The following RBFOX1 variants were observed in gnomAD, a reference collection of about 807,000 sequenced individuals.
The protein encoded by RBFOX1 is RNA binding fox-1 homolog 1.
Under a neutral mutation model 57.7 loss-of-function variants are expected in RBFOX1, and 8 were observed. The ratio of observed to expected loss-of-function variants is 0.14; its 90% CI spans 0.08 to 0.25. The LOEUF is 0.25. Ranked by LOEUF, RBFOX1 falls within the 10% of genes least tolerant of loss-of-function variation. The pLI, the probability that RBFOX1 is intolerant of heterozygous loss-of-function variation, is 1.00. For synonymous variants in RBFOX1, 326 were observed against 222.4 expected (o/e 1.47, Z -4.15); for missense variants, 611 against 548.5 (o/e 1.11, Z -1.14).
chr16:6,322,072 G>A (rs2081871667), intron 2 of RBFOX1, among the ~76,000 whole-genome samples: 1 of 152,138 alleles, frequency 6.6e-6, no homozygotes, highest in Non-Finnish European at 1.5e-5. Flanking sequence ...CATTGTCTTT[G>A]TTTTTCATCC....
chr16:6,983,132 C>G (rs141561635), intron 3 of RBFOX1, among the ~76,000 whole-genome samples: 1 of 151,842 alleles, frequency 6.6e-6, no homozygotes, highest in Non-Finnish European at 1.5e-5. Flanking sequence ...AAACTCTTAG[C>G]TGTTCCATTG....
intron 1 of RBFOX1, among the ~76,000 whole-genome samples, chr16:6,036,724 A>G (rs1377953575): frequency 6.6e-6 from 1 of 152,186 alleles, no homozygotes; most frequent in Non-Finnish European, 1.5e-5. Context: ...TGAGAAAGGA[A>G]TTTTTAACTT....
At chr16:5,703,493 A>G (rs550103654) in intron 3 of RBFOX1, among the ~76,000 whole-genome samples, 112 of 152,310 alleles carry the variant, frequency 7.4e-4, no homozygotes, top group African/African-American at 2.5e-3. Context: ...AATATCACAG[A>G]GCATCCTCGT....
chr16:5,525,588 C>G (rs924139055), intron 2 of RBFOX1, among the ~76,000 whole-genome samples: 1 of 149,714 alleles, frequency 6.7e-6, no homozygotes, highest in Non-Finnish European at 1.5e-5. Flanking sequence ...TTCTCCACCT[C>G]TCAGGTGAAA....
chr16:7,661,795 C>G (rs1446850576), intron 12 of RBFOX1, among the ~76,000 whole-genome samples: 1 of 152,164 alleles, frequency 6.6e-6, no homozygotes, highest in Non-Finnish European at 1.5e-5. Context: ...GAAAGCTACA[C>G]TAGTTCTTCT....
chr16:6,344,446 G>A (rs1482526400), intron 2 of RBFOX1, among the ~76,000 whole-genome samples: 2 of 120,638 alleles, frequency 1.7e-5, no homozygotes, highest in Admixed American at 2.0e-4. Flanking sequence ...CGCCCAGGCT[G>A]GAGTGCAGTG....
At position 7,709,100 on chromosome 16, in the gene RBFOX1, C is replaced by A; in HGVS notation, c.1040C>A (p.Ala347Asp). 6.2e-7 allele frequency: 1 copy of A among 1,613,528 alleles called. No homozygotes were observed. Among genetic ancestry groups the A allele is most frequent in the South Asian group, 1.1e-5 (1 of 90,926 alleles). ...GCCGACCCCTACCACCACGCACTTG[C>A]TCCAGCCCCCACCTACGGCGTTGGT... ...YAADPYHHAL[A>D]PAPTYGVGAM... The change falls in exon 15 of 16, where the codon GCT (alanine) becomes GAT (aspartate). Residue 347 changes from alanine (A) to aspartate (D), a missense_variant. Ala to Asp is a moderately radical substitution (Grantham distance 126, BLOSUM62 -2). This residue lies in a region of RBFOX1 where 267 missense variants were observed against 229.1 expected (regional missense o/e 1.17). Transcript: ENST00000550418.
chr16:5,815,092 A>G (rs537021554), intron 3 of RBFOX1, among the ~76,000 whole-genome samples: 6 of 149,236 alleles, frequency 4.0e-5, no homozygotes, highest in African/African-American at 1.5e-4. Context: ...CAACAATCCT[A>G]CCTCAGCCTC....
At chr16:5,719,970 T>C (rs1156978697) in intron 3 of RBFOX1, among the ~76,000 whole-genome samples, 1 of 151,920 alleles carries the variant, frequency 6.6e-6, no homozygotes, top group Non-Finnish European at 1.5e-5. Flanking sequence ...CCCGCCCCCA[T>C]GATTTGAGGA....
At chr16:7,698,851 C>CA (rs2079667922) in intron 14 of RBFOX1, among the ~76,000 whole-genome samples, 1 of 152,150 alleles carries the variant, frequency 6.6e-6, no homozygotes, top group Non-Finnish European at 1.5e-5. Context: ...CTCAGGCTTG[C>CA]TGCATGCAAT....
chr16:7,247,613 A>G (rs1199776429), intron 4 of RBFOX1, among the ~76,000 whole-genome samples: 1 of 152,220 alleles, frequency 6.6e-6, no homozygotes, highest in Non-Finnish European at 1.5e-5. Context: ...AAATGAATGT[A>G]TATCCTGATT....
At chr16:5,558,733 G>T (rs1040570316) in intron 2 of RBFOX1, among the ~76,000 whole-genome samples, 1 of 152,028 alleles carries the variant, frequency 6.6e-6, no homozygotes, top group African/African-American at 2.4e-5. Context: ...GAGTGCAGAG[G>T]GTCTGTCTTT....
intron 2 of RBFOX1, among the ~76,000 whole-genome samples, chr16:6,422,108 A>C (rs2093790878): frequency 6.6e-6 from 1 of 151,732 alleles, no homozygotes; most frequent in Non-Finnish European, 1.5e-5. Flanking sequence ...TTGTTAGTAG[A>C]GATGGAGTTT....
At chr16:7,109,148 C>T (rs1471165038) in intron 4 of RBFOX1, among the ~76,000 whole-genome samples, 2 of 152,094 alleles carry the variant, frequency 1.3e-5, no homozygotes, top group Admixed American at 6.6e-5. Flanking sequence ...GGTGAATGTA[C>T]TGGATTTTCA....
At chr16:7,388,092 G>A (rs371490536) in intron 4 of RBFOX1, among the ~76,000 whole-genome samples, 1 of 150,818 alleles carries the variant, frequency 6.6e-6, no homozygotes, top group African/African-American at 2.4e-5. Context: ...TTTTGCCTTT[G>A]ATCAAGATCA....
chr16:5,438,219 G>A (rs900374991), intron 1 of RBFOX1, among the ~76,000 whole-genome samples: 22 of 152,222 alleles, frequency 1.4e-4, no homozygotes, highest in African/African-American at 2.2e-4. Flanking sequence ...CTTATAGGAC[G>A]TGGGGAAGTT....
chr16:5,727,715 G>T (rs888514106), intron 3 of RBFOX1, among the ~76,000 whole-genome samples: 4 of 152,116 alleles, frequency 2.6e-5, no homozygotes, highest in African/African-American at 9.7e-5. Context: ...TAGAGACAAG[G>T]TCTTACCTTG....
At chr16:7,258,548 A>G (rs2094789693) in intron 4 of RBFOX1, among the ~76,000 whole-genome samples, 2 of 152,168 alleles carry the variant, frequency 1.3e-5, no homozygotes, top group Admixed American at 6.5e-5. Context: ...GTAAAAATAT[A>G]TCAGTACTGG....
intron 2 of RBFOX1, among the ~76,000 whole-genome samples, chr16:6,450,788 T>TGTATATATATAC (rs2094581898): frequency 2.1e-5 from 1 of 47,964 alleles, no homozygotes; most frequent in African/African-American, 1.1e-4. Context: ...TATATATATA[T>TGTATATATATAC]ACATATATAT....
Sources: gnomAD v4.1 joint callset for allele counts (sites outside exome capture counted in the v4.1 genomes callset) on GRCh38, gnomAD v4.1.1 for gene constraint, gnomAD v4.1.1 regional missense constraint, MANE v1.5 for transcripts, NCBI Gene and HGNC (gene_info 2026-07-23, HGNC 2026-07-21) for gene names.